Variants in EBF4 observed in about 807,000 individuals in gnomAD.
EBF4 encodes transcription factor COE4.
Under a neutral mutation model 67.1 loss-of-function variants are expected in EBF4, and 34 were observed. That is an observed-to-expected ratio of 0.51 (90% CI 0.39 to 0.67). EBF4 has a LOEUF of 0.67. Among genes scored for constraint, EBF4 ranks in the 30% least tolerant of loss-of-function variants. The pLI is 0.00. For missense variants in EBF4, 837 were observed against 873.3 expected (o/e 0.96, Z 0.52); for synonymous variants, 387 against 377.7 (o/e 1.02, Z -0.29).
At chr20:2,702,770 A>G (rs2087394714) in intron 1 of EBF4, among the ~76,000 whole-genome samples, 1 of 152,148 alleles carries the variant, frequency 6.6e-6, no homozygotes, top group Non-Finnish European at 1.5e-5. Flanking sequence ...GGGCACCTGG[A>G]CAAGCTGACC....
chr20:2,717,033 C>T (rs182325688), intron 6 of EBF4, among the ~76,000 whole-genome samples: 92 of 152,244 alleles, frequency 6.0e-4, no homozygotes, highest in South Asian at 2.5e-3. Context: ...TGAACCTATA[C>T]GTCAATTTGA....
At chr20:2,698,805 G>A (rs969790395) in intron 1 of EBF4, among the ~76,000 whole-genome samples, 3 of 152,112 alleles carry the variant, frequency 2.0e-5, no homozygotes, top group Non-Finnish European at 4.4e-5. Context: ...TTAGGACCAG[G>A]GCAAGGCACG....
intron 14 of EBF4, 101 bp downstream of exon 14, chr20:2,752,646 G>A: frequency 2.9e-6 from 3 of 1,042,210 alleles, no homozygotes; most frequent in Non-Finnish European, 2.4e-6. Flanking sequence ...CGCCGGCGCC[G>A]TGAGAGTCGA....
At chr20:2,735,469 ATGT>A (rs1351434796) in intron 6 of EBF4, among the ~76,000 whole-genome samples, 15 of 152,174 alleles carry the variant, frequency 9.9e-5, no homozygotes, top group Non-Finnish European at 2.9e-5. Context: ...TGTTGCACAC[ATGT>A]TGTTAATTTT....
At chr20:2,750,525 C>T (rs2088127752) in intron 10 of EBF4, among the ~76,000 whole-genome samples, 2 of 152,102 alleles carry the variant, frequency 1.3e-5, no homozygotes, top group African/African-American at 4.8e-5. Context: ...TATTTGGCCG[C>T]TGGCCGAGTC....
rs1342010049 is a variant in EBF4 at position 2,751,764 on chromosome 20, C to G, written c.1083C>G (p.Pro361=). 1.3e-6 allele frequency: 2 copies of G among 1,487,710 alleles called. No individual in the cohort carries two copies. Among genetic ancestry groups the G allele is most frequent in the Non-Finnish European group, 1.8e-6 (2 of 1,107,094 alleles). 92.2% of individuals were successfully genotyped at this position (1,487,710 alleles called of 1,614,324 possible). The stretch of plus-strand genomic sequence containing the variant: ...TACAGAAAGTCATTCCCAGACACCC[C>G]GGAGACCCCGAGAGGCTGCCCAAGG... The change falls in exon 11 of 17, where the codon CCC becomes CCG. Residue 361 remains proline (P), a synonymous_variant. Coordinates refer to ENST00000609451, the Ensembl canonical transcript of EBF4. The surrounding 1 kb of genome is among the most constrained non-coding windows in gnomAD (Gnocchi z 5.2).
At chr20:2,734,104 G>C (rs894365511) in intron 6 of EBF4, among the ~76,000 whole-genome samples, 5 of 151,710 alleles carry the variant, frequency 3.3e-5, no homozygotes, top group Non-Finnish European at 5.9e-5. Flanking sequence ...ATTTATAATT[G>C]CTCATTTAAA....
At chr20:2,703,827 G>A (rs1450762088) in intron 1 of EBF4, among the ~76,000 whole-genome samples, 1 of 152,186 alleles carries the variant, frequency 6.6e-6, no homozygotes, top group Non-Finnish European at 1.5e-5. Flanking sequence ...TGGTGGTTCT[G>A]GATCAGGGCC....
intron 1 of EBF4, among the ~76,000 whole-genome samples, chr20:2,702,345 G>C (rs902159724): frequency 6.6e-6 from 1 of 151,856 alleles, no homozygotes; most frequent in African/African-American, 2.4e-5. Flanking sequence ...GGAGGATCAC[G>C]TGAGCCTAGG....
chr20:2,704,290 T>C (rs1261249701), intron 1 of EBF4, among the ~76,000 whole-genome samples: 1 of 151,598 alleles, frequency 6.6e-6, no homozygotes, highest in African/African-American at 2.4e-5. Flanking sequence ...TCCTGGAGGG[T>C]GTCCTAGGGG....
intron 6 of EBF4, among the ~76,000 whole-genome samples, chr20:2,710,225 T>A (rs2087523249): frequency 6.6e-6 from 1 of 152,226 alleles, no homozygotes; most frequent in Non-Finnish European, 1.5e-5. Context: ...CATGGCTCAC[T>A]GCAGCCTCAA....
At chr20:2,702,854 C>T (rs1029140203) in intron 1 of EBF4, among the ~76,000 whole-genome samples, 4 of 152,166 alleles carry the variant, frequency 2.6e-5, no homozygotes, top group African/African-American at 9.7e-5. Context: ...TCTTGTCCCC[C>T]ACACTGCACC....
At chr20:2,735,734 G>A (rs1405308323) in intron 6 of EBF4, among the ~76,000 whole-genome samples, 5 of 152,222 alleles carry the variant, frequency 3.3e-5, no homozygotes, top group East Asian at 1.9e-4. Context: ...GACTATGATG[G>A]ATGCTTGGGA....
In EBF4 at chr20:2,705,699, G is replaced by A. The variant is rs377524255; in HGVS notation, c.260G>A (p.Arg87His). 120 of 1,551,448 alleles carry A rather than the reference G, an allele frequency of 7.7e-5. 1 individual carries two copies. In the East Asian group the frequency reaches 1.1e-3, roughly 14 times the overall value. The change falls in exon 2 of 17, where the codon CGC becomes CAC. Residue 87 changes from arginine to histidine, a missense_variant. By Grantham distance (29) the Arg-to-His change is conservative. Around this residue, in one of 3 missense-constraint regions of EBF4, gnomAD observed 226 missense variants for 306.5 expected, o/e 0.74. Transcript: ENST00000609451. The stretch of plus-strand genomic sequence containing the variant: ...CAGGGGCAGCCCGTGGAGGTGGAGC[G>A]CACAGCCTTCATCGACTTCGTGGAA...
At chr20:2,709,471 A>T (rs1267431305) in intron 5 of EBF4, 103 bp from the exon 6 acceptor site, 24 of 1,084,604 alleles carry the variant, frequency 2.2e-5, no homozygotes, top group Non-Finnish European at 2.8e-5. Context: ...CAGAGACAGG[A>T]CATCAGCACC....
At chr20:2,713,446 G>A (rs1041643350) in intron 6 of EBF4, among the ~76,000 whole-genome samples, 1 of 152,140 alleles carries the variant, frequency 6.6e-6, no homozygotes, top group African/African-American at 2.4e-5. Flanking sequence ...ACACTAGAGG[G>A]CGTGATATAG....
intron 6 of EBF4, among the ~76,000 whole-genome samples, chr20:2,722,672 G>C (rs560865880): frequency 5.9e-5 from 9 of 152,310 alleles, no homozygotes; most frequent in African/African-American, 2.2e-4. Context: ...TGGGATATTT[G>C]TAAGGTTTAG....
chr20:2,752,956 A>G (rs1037576251), intron 14 of EBF4, among the ~76,000 whole-genome samples: 12 of 152,118 alleles, frequency 7.9e-5, no homozygotes, highest in Admixed American at 1.3e-4. Flanking sequence ...AAGGAAACTC[A>G]GGGCTCGAGG....
chr20:2,736,971 C>G (rs565056093), intron 6 of EBF4, among the ~76,000 whole-genome samples: 1 of 151,916 alleles, frequency 6.6e-6, no homozygotes, highest in East Asian at 1.9e-4. Flanking sequence ...GGAAGAGGAC[C>G]GGGCGCGGTG....
Sources: allele counts gnomAD v4.1 joint callset (sites outside exome capture counted in the v4.1 genomes callset), GRCh38; gene constraint gnomAD v4.1.1; regional missense constraint gnomAD v4.1.1; non-coding constraint Gnocchi (gnomAD v3.1); transcripts MANE v1.5; gene names NCBI Gene and HGNC (gene_info 2026-07-23, HGNC 2026-07-21).